The following ESRRG variants were observed in gnomAD, a reference collection of about 807,000 sequenced individuals.
ESRRG encodes the protein estrogen-related receptor gamma.
ESRRG carries 13 observed loss-of-function variants against 44.0 expected under a neutral mutation model. That is an observed-to-expected ratio of 0.30 (90% CI 0.19 to 0.47). The LOEUF (loss-of-function observed/expected upper bound fraction) is 0.47, where lower values mean the gene tolerates loss of function less well. Among genes scored for constraint, ESRRG ranks in the 20% least tolerant of loss-of-function variants. The pLI is 1.00. For missense variants in ESRRG, 395 were observed against 580.6 expected, an observed-to-expected ratio of 0.68 and a Z score of 3.29; for synonymous variants, 215 against 214.6, an observed-to-expected ratio of 1.00 and a Z score of -0.02.
At chr1:216,610,958 G>T (rs12410211) in intron 3 of ESRRG, among the ~76,000 whole-genome samples, 1 of 152,102 alleles carries the variant, frequency 6.6e-6, no homozygotes, top group East Asian at 1.9e-4. Context: ...AAGCATCTCA[G>T]TTGGGAGGCC....
chr1:216,868,675 A>G (rs1483482600), intron 2 of ESRRG, among the ~76,000 whole-genome samples: 1 of 152,080 alleles, frequency 6.6e-6, no homozygotes, highest in Non-Finnish European at 1.5e-5. Flanking sequence ...TTCATTTTGC[A>G]TTTCTATCAG....
chr1:216,767,162 C>T (rs959421472), intron 2 of ESRRG, among the ~76,000 whole-genome samples: 1 of 152,024 alleles, frequency 6.6e-6, no homozygotes, highest in East Asian at 1.9e-4. Context: ...TCTCATCATG[C>T]TGACTCAGCA....
chr1:217,081,290 C>G (rs577204899), intron 1 of ESRRG, among the ~76,000 whole-genome samples: 45 of 114,976 alleles, frequency 3.9e-4, no homozygotes, highest in African/African-American at 1.4e-3. Flanking sequence ...TGCAATGGCA[C>G]AATCTCGGCT....
At chr1:216,665,928 A>T (rs1250589169) in intron 2 of ESRRG, among the ~76,000 whole-genome samples, 1 of 152,208 alleles carries the variant, frequency 6.6e-6, no homozygotes, top group Non-Finnish European at 1.5e-5. Flanking sequence ...TGAGTGAGTT[A>T]ATGTGTTTTA....
intron 2 of ESRRG, among the ~76,000 whole-genome samples, chr1:216,804,785 C>T (rs1576732967): frequency 1.3e-5 from 2 of 152,222 alleles, no homozygotes; most frequent in South Asian, 4.1e-4. Context: ...TACCCCCCTT[C>T]CCCAACCGAG....
At chr1:216,559,301 C>A (rs1008538924) in intron 5 of ESRRG, among the ~76,000 whole-genome samples, 11 of 152,050 alleles carry the variant, frequency 7.2e-5, no homozygotes, top group Admixed American at 7.2e-4. Context: ...GTTACATACA[C>A]AAAAGAAAAG....
intron 1 of ESRRG, among the ~76,000 whole-genome samples, chr1:217,108,340 T>C (rs537182017): frequency 6.6e-6 from 1 of 152,342 alleles, no homozygotes; most frequent in South Asian, 2.1e-4. Context: ...TTTGCAGCTC[T>C]CCGATGGTAT....
intron 1 of ESRRG, among the ~76,000 whole-genome samples, chr1:216,974,357 A>T (rs2072416419): frequency 6.6e-6 from 1 of 152,172 alleles, no homozygotes; most frequent in South Asian, 2.1e-4. Flanking sequence ...TGCAACTATT[A>T]TATATCTTTT....
At chr1:216,905,343 C>T (rs975741355) in intron 2 of ESRRG, among the ~76,000 whole-genome samples, 1 of 152,036 alleles carries the variant, frequency 6.6e-6, no homozygotes, top group Non-Finnish European at 1.5e-5. Flanking sequence ...AGCTCATTCC[C>T]ACCTCCAGGC....
intron 1 of ESRRG, among the ~76,000 whole-genome samples, chr1:216,718,767 T>G (rs2789714): frequency 6.6e-6 from 1 of 152,022 alleles, no homozygotes; most frequent in Non-Finnish European, 1.5e-5. Flanking sequence ...GCACTTATAA[T>G]AGATCAACAT....
At chr1:217,112,899 T>A (rs2092675916) in intron 1 of ESRRG, among the ~76,000 whole-genome samples, 1 of 152,180 alleles carries the variant, frequency 6.6e-6, no homozygotes, top group Non-Finnish European at 1.5e-5. Flanking sequence ...AGAGAATGTG[T>A]AAGCATCTGA....
chr1:216,709,485 C>T (rs951389393), intron 1 of ESRRG, among the ~76,000 whole-genome samples: 1 of 151,766 alleles, frequency 6.6e-6, no homozygotes, highest in Non-Finnish European at 1.5e-5. Flanking sequence ...TATATCCAAC[C>T]TTTAATCTAA....
At chr1:216,696,141 GA>G in intron 1 of ESRRG, among the ~76,000 whole-genome samples, 1 of 152,166 alleles carries the variant, frequency 6.6e-6, no homozygotes, top group East Asian at 1.9e-4. Flanking sequence ...TTCTCTGAGG[GA>G]AAAAAATTAC....
chr1:216,608,339 A>G (rs1042742060), intron 3 of ESRRG, among the ~76,000 whole-genome samples: 1 of 152,172 alleles, frequency 6.6e-6, no homozygotes, highest in Non-Finnish European at 1.5e-5. Context: ...CCCTGGTCTC[A>G]TTGCTTTTGG....
At chr1:216,717,220 T>C (rs1258598413) in intron 1 of ESRRG, among the ~76,000 whole-genome samples, 1 of 151,876 alleles carries the variant, frequency 6.6e-6, no homozygotes. Context: ...TCCTGGATAA[T>C]TGATTAGAAA....
chr1:216,980,197 C>T (rs2073710181), intron 1 of ESRRG, among the ~76,000 whole-genome samples: 1 of 152,146 alleles, frequency 6.6e-6, no homozygotes, highest in Admixed American at 6.6e-5. Flanking sequence ...TTCCATGTTG[C>T]ACCACTGTGC....
intron 1 of ESRRG, among the ~76,000 whole-genome samples, chr1:216,949,726 A>G (rs1302518060): frequency 2.6e-5 from 4 of 152,342 alleles, no homozygotes; most frequent in East Asian, 1.9e-4. Flanking sequence ...GCAAGAAATT[A>G]TAAACGAACC....
At chr1:217,119,800 G>A (rs1486712446) in intron 1 of ESRRG, among the ~76,000 whole-genome samples, 1 of 152,174 alleles carries the variant, frequency 6.6e-6, no homozygotes, top group Non-Finnish European at 1.5e-5. Context: ...CTTAGCCAGG[G>A]ATTTAAAACA....
At chr1:216,904,982 A>AT (rs772514887) in intron 2 of ESRRG, among the ~76,000 whole-genome samples, 1 of 152,174 alleles carries the variant, frequency 6.6e-6, no homozygotes, top group Non-Finnish European at 1.5e-5. Context: ...ACAAAATAGC[A>AT]TTTTATTTCA....
Sources: allele counts gnomAD v4.1 joint callset (sites outside exome capture counted in the v4.1 genomes callset), GRCh38; gene constraint gnomAD v4.1.1; transcripts MANE v1.5; gene names NCBI Gene and HGNC (gene_info 2026-07-23, HGNC 2026-07-21).